The following SNAP23 variants were observed in gnomAD, a reference collection of about 807,000 sequenced individuals.
SNAP23 encodes synaptosome associated protein 23.
Under a neutral mutation model 29.0 loss-of-function variants are expected in SNAP23, and 11 were observed. That is an observed-to-expected ratio of 0.38 (90% confidence interval 0.24 to 0.63). The LOEUF is 0.63. Ranked by LOEUF, SNAP23 falls within the 20% of genes least tolerant of loss-of-function variation. The pLI is 0.58. For synonymous variants in SNAP23, 60 were observed against 82.9 expected (o/e 0.72, Z 1.50); for missense variants, 220 against 253.9 (o/e 0.87, Z 0.91).
At chr15:42,520,151 A>G (rs1415475713) in intron 5 of SNAP23, among the ~76,000 whole-genome samples, 1 of 150,012 alleles carries the variant, frequency 6.7e-6, no homozygotes, top group African/African-American at 2.5e-5. Flanking sequence ...CCCAGGTTCA[A>G]GTGATTCTGC....
chr15:42,526,994 C>T (rs988395421), intron 5 of SNAP23, among the ~76,000 whole-genome samples: 4 of 152,100 alleles, frequency 2.6e-5, no homozygotes, highest in African/African-American at 9.7e-5. Flanking sequence ...CGTGGTGCCA[C>T]ACCCAGCTAA....
chr15:42,518,024 C>CT (rs796496498), intron 5 of SNAP23, among the ~76,000 whole-genome samples: 3,035 of 147,424 alleles, frequency 0.021, 106 homozygotes, highest in African/African-American at 0.071. Flanking sequence ...GCACTTCTTT[C>CT]TTTTTTTTTT....
intron 1 of SNAP23, among the ~76,000 whole-genome samples, chr15:42,502,215 A>G (rs1210263402): frequency 7.8e-6 from 1 of 127,448 alleles, no homozygotes; most frequent in African/African-American, 3.8e-5. Flanking sequence ...TTTAGTAGAG[A>G]CGGTTTCACC....
At chr15:42,513,321 G>A in intron 3 of SNAP23, 78 bp from the exon 4 acceptor site, 1 of 1,273,162 alleles carries the variant, frequency 7.9e-7, no homozygotes, top group Non-Finnish European at 1.2e-6. Context: ...AAATTATTCT[G>A]TGTTGCTCTT....
chr15:42,526,052 A>G (rs1366796072), intron 5 of SNAP23, among the ~76,000 whole-genome samples: 1 of 152,144 alleles, frequency 6.6e-6, no homozygotes, highest in Non-Finnish European at 1.5e-5. Flanking sequence ...CAGAAACATA[A>G]TATCTCATTA....
chr15:42,531,796 A>G lies in SNAP23; in HGVS notation c.*318A>G. 1 of 200,996 alleles carries G rather than the reference A, an allele frequency of 5.0e-6. No individual in the cohort carries two copies. The highest frequency in any genetic ancestry group is 1.0e-5 in the Non-Finnish European group (1 of 100,344). The allele number at this position is 200,996 out of a possible 1,614,324, so 12.5% of individuals were successfully genotyped here. ...TCAAGATTTGGAAGCATTGCCAAAG[A>G]CAGCCATGAAGAAGGAAGCTGTAGA... is the stretch of plus-strand genomic sequence containing the variant. On this transcript the variant is annotated 3_prime_UTR_variant, in exon 8 of 8. Coordinates refer to ENST00000249647, the MANE Select transcript of SNAP23 (RefSeq NM_003825.4).
Position 42,530,132 on chromosome 15 carries a change from A to G in SNAP23, c.570+313A>G, listed in dbSNP as rs548234211. Among the ~76,000 whole-genome samples the G allele has an allele frequency of 3.9e-5, 6 of 152,228 alleles. No homozygotes were observed. In the East Asian group the frequency reaches 1.2e-3, roughly 29 times the overall value. ...CCAAATGAGTTTTATTTTGTTAACT[A>G]ATTTTTTAATTGAGAATGGGGTCTT... On this transcript the variant is annotated intron_variant, in intron 7 of 7. Transcript: ENST00000249647.
intron 5 of SNAP23, among the ~76,000 whole-genome samples, chr15:42,524,725 T>C (rs2057481984): frequency 6.6e-6 from 1 of 152,344 alleles, no homozygotes; most frequent in East Asian, 1.9e-4. Context: ...TTGGAAGGTA[T>C]TACCTTTAAA....
intron 6 of SNAP23, 104 bp from the exon 7 acceptor site, chr15:42,529,571 T>C (rs1424294906): frequency 4.3e-5 from 50 of 1,165,280 alleles, no homozygotes; most frequent in Middle Eastern, 3.9e-4. Flanking sequence ...TTGGATCTTA[T>C]ACTTGCTGAG....
In SNAP23 at chr15:42,528,578, G is replaced by GT. The variant is rs112307058; in HGVS notation, c.425+166dup. ...AAATCTGCCCACTGACAAAATGTGG[G>GT]TTTTTTTTATTTGTTGTTTTGTTTT... On this transcript the variant is annotated intron_variant, in intron 6 of 7. Coordinates refer to ENST00000249647, the MANE Select transcript of SNAP23 (RefSeq NM_003825.4). Among the ~76,000 whole-genome samples the GT allele has an allele frequency of 1.5e-3, 221 of 151,936 alleles. 3 individuals are homozygous for GT. The South Asian group carries it at 0.036, about 24-fold the overall frequency.
chr15:42,522,873 T>C (rs2057461509), intron 5 of SNAP23, among the ~76,000 whole-genome samples: 1 of 111,054 alleles, frequency 9.0e-6, no homozygotes. Flanking sequence ...TGAGACAGAG[T>C]CTCGTTCTGT....
intron 5 of SNAP23, among the ~76,000 whole-genome samples, chr15:42,524,144 G>A (rs1271490422): frequency 1.3e-5 from 2 of 151,998 alleles, no homozygotes. Context: ...ATCCTGACAT[G>A]TCCCTTTGCT....
upstream of SNAP23, among the ~76,000 whole-genome samples, chr15:42,493,492 C>T (rs531952994): frequency 3.2e-4 from 48 of 152,152 alleles, no homozygotes; most frequent in Admixed American, 2.9e-3. Flanking sequence ...AAATATCCCC[C>T]GGAGGACAAA....
At chr15:42,491,901 T>TTTATTTAGTTAGTTAGTTAGTTAG (rs1555433008), upstream of SNAP23, among the ~76,000 whole-genome samples, 6 of 146,862 alleles carry the variant, frequency 4.1e-5, no homozygotes, top group African/African-American at 7.6e-5. Context: ...TATTTATTTA[T>TTTATTTAGTTAGTTAGTTAGTTAG]TTAGTTAGTT....
At chr15:42,506,954 G>C (rs539925511) in intron 1 of SNAP23, among the ~76,000 whole-genome samples, 1 of 152,056 alleles carries the variant, frequency 6.6e-6, no homozygotes, top group South Asian at 2.1e-4. Flanking sequence ...GAGTAGCTGG[G>C]ACTACAGGCA....
chr15:42,519,965 T>G (rs1265606589), intron 5 of SNAP23, among the ~76,000 whole-genome samples: 45 of 152,144 alleles, frequency 3.0e-4, no homozygotes, highest in Admixed American at 2.9e-3. Context: ...AGATAGATGT[T>G]TTTTATTATT....
intron 5 of SNAP23, among the ~76,000 whole-genome samples, chr15:42,517,005 C>G (rs1427446905): frequency 6.6e-6 from 1 of 151,788 alleles, no homozygotes; most frequent in Non-Finnish European, 1.5e-5. Context: ...CTGCAACTTC[C>G]ACCTCACGGG....
At chr15:42,520,045 C>CTTTTTTTTTT (rs201577060) in intron 5 of SNAP23, among the ~76,000 whole-genome samples, 3 of 92,980 alleles carry the variant, frequency 3.2e-5, no homozygotes, top group South Asian at 4.1e-4. Flanking sequence ...AACCCCCTTG[C>CTTTTTTTTTT]TTTTTTTTTT....
At chr15:42,493,974 G>A (rs1567039916), upstream of SNAP23, among the ~76,000 whole-genome samples, 2 of 151,242 alleles carry the variant, frequency 1.3e-5, no homozygotes, top group Non-Finnish European at 1.5e-5. Context: ...CCAGTGTTTC[G>A]AACTGCCTCT....
Sources: gnomAD v4.1 joint callset for allele counts (sites outside exome capture counted in the v4.1 genomes callset) on GRCh38, gnomAD v4.1.1 for gene constraint, MANE v1.5 for transcripts, NCBI Gene and HGNC (gene_info 2026-07-23, HGNC 2026-07-21) for gene names.